Variants in MLX observed in about 807,000 individuals in gnomAD.
MLX encodes MAX dimerization protein MLX.
MLX carries 15 observed loss-of-function variants against 33.0 expected under a neutral mutation model. The observed-to-expected ratio is 0.45, with a 90% CI of 0.30 to 0.70. MLX has a LOEUF of 0.70. Ranked by LOEUF, MLX falls within the 30% of genes least tolerant of loss-of-function variation. MLX has a pLI of 0.07. For synonymous variants in MLX, 115 were observed against 115.6 expected (o/e 0.99, Z 0.03); for missense variants, 285 against 306.3 (o/e 0.93, Z 0.52).
At chr17:42,571,521 ATTTC>A (rs1201215039) in intron 7 of MLX, 22 bp from the exon 8 acceptor site, 1 of 1,613,188 alleles carries the variant, frequency 6.2e-7, no homozygotes, top group African/African-American at 1.3e-5. Flanking sequence ...GGCATTGTCT[ATTTC>A]TTCCTCTGCT....
Position 42,567,130 on chromosome 17 carries a change from G to T in MLX, c.6G>T (p.Thr2=). 7.9e-7 allele frequency: 1 copy of T among 1,259,726 alleles called. No individual in the cohort carries two copies. The highest frequency in any genetic ancestry group is 1.0e-6 in the Non-Finnish European group (1 of 1,002,728). 78.0% of individuals were successfully genotyped at this position (1,259,726 alleles called of 1,614,324 possible). Residue 2 remains threonine (T), a synonymous_variant, in exon 1 of 8, where the codon ACG becomes ACT. Coordinates refer to ENST00000435881, the MANE Select transcript of MLX (RefSeq NM_198204.2). ...TCCGGTCCGGTGGGTACAAGATGAC[G>T]GAGCCGGGCGCCTCTCCCGAGGACC... The part of the protein sequence containing the change: M[T]EPGASPEDPW...
At chr17:42,568,589 G>A in intron 3 of MLX, 30 bp downstream of exon 3, 1 of 1,577,842 alleles carries the variant, frequency 6.3e-7, no homozygotes, top group Non-Finnish European at 8.7e-7. Context: ...CCGACCTCGG[G>A]GGGCTCAGAT....
chr17:42,568,621 T>G, intron 3 of MLX, 62 bp downstream of exon 3: 1 of 1,473,128 alleles, frequency 6.8e-7, no homozygotes, highest in Non-Finnish European at 9.5e-7. Context: ...GTAGTACCTT[T>G]CCTAGACAGG....
intron 7 of MLX, 123 bp from the exon 8 acceptor site, chr17:42,571,424 G>T (rs896288970): frequency 1.3e-5 from 13 of 1,039,456 alleles, no homozygotes; most frequent in Admixed American, 3.6e-5. Flanking sequence ...ACCACACCTG[G>T]CCCCCGGGGG....
chr17:42,568,646 C>A, intron 3 of MLX, 87 bp downstream of exon 3: 2 of 1,343,856 alleles, frequency 1.5e-6, no homozygotes, highest in East Asian at 2.3e-5. Flanking sequence ...CCCCAGCCAT[C>A]CACACAGGGG....
In MLX at chr17:42,571,543, C is replaced by A; in HGVS notation, c.679-4C>A. ...TCTATTTCTTCCTCTGCTGCCCTCG[C>A]CAGACCCTGCGGGAGATTGTGATTG... On this transcript the variant is annotated splice_polypyrimidine_tract_variant and splice_region_variant and intron_variant, in intron 7 of 7. Coordinates refer to ENST00000435881, the MANE Select transcript of MLX (RefSeq NM_198204.2). 6.2e-7 allele frequency: 1 copy of A among 1,614,132 alleles called. No individual in the cohort carries two copies. Among genetic ancestry groups the A allele is most frequent in the South Asian group, 1.1e-5 (1 of 91,082 alleles).
Position 42,573,005 on chromosome 17 carries a change from GTC to G in MLX, c.*1406_*1407del, listed in dbSNP as rs1035130800. 1.2e-6 allele frequency: 2 copies of G among 1,614,198 alleles called. No homozygotes were observed. The highest frequency in any genetic ancestry group is 1.7e-6 in the Non-Finnish European group (2 of 1,180,038). Reference sequence around the variant, plus strand: ...GAGTGTGACGTTGTAATCTTCATCCGTCTCTATCCCAACTTCCTCCTGTGAGA... The same window carrying G: ...GAGTGTGACGTTGTAATCTTCATCCGTCTATCCCAACTTCCTCCTGTGAGA... On this transcript the variant is annotated 3_prime_UTR_variant, in exon 8 of 8. Transcript: ENST00000435881.
chr17:42,571,530 T>C lies in MLX; in HGVS notation c.679-17T>C. 4 of 1,614,000 alleles carry C rather than the reference T, an allele frequency of 2.5e-6. No individual in the cohort carries two copies. Among genetic ancestry groups the C allele is most frequent in the Non-Finnish European group, 3.4e-6 (4 of 1,179,840 alleles). On this transcript the variant is annotated splice_polypyrimidine_tract_variant and intron_variant, in intron 7 of 7. Transcript: ENST00000435881. ...GACTTGGGCATTGTCTATTTCTTCC[T>C]CTGCTGCCCTCGCCAGACCCTGCGG...
intron 2 of MLX, chr17:42,568,241 TAGTCCCAGCTACTCGGGAGGCTGAGGC>T (rs1189448432): frequency 4.8e-5 from 12 of 248,142 alleles, no homozygotes; most frequent in Non-Finnish European, 9.6e-5. Flanking sequence ...CGGGCGCCTG[TAGTCCCAGCTACTCGGGAGGCTGAGGC>T]AGGAGAATGG....
chr17:42,569,073 A>G, intron 4 of MLX, 130 bp downstream of exon 4: 2 of 1,270,464 alleles, frequency 1.6e-6, no homozygotes. Context: ...CCCAGGCACA[A>G]ACACCTCCCT....
intron 2 of MLX, chr17:42,567,943 G>A: frequency 1.9e-6 from 1 of 537,506 alleles, no homozygotes; most frequent in African/African-American, 1.9e-5. Flanking sequence ...AGCCAGGGGG[G>A]TATCATGCAG....
chr17:42,571,161 G>T (rs1450747516), intron 7 of MLX, among the ~76,000 whole-genome samples: 2 of 136,324 alleles, frequency 1.5e-5, no homozygotes, highest in Non-Finnish European at 3.1e-5. Context: ...TTTTTGAGAC[G>T]GAGTCTCACT....
chr17:42,567,853 A>G, intron 2 of MLX, 198 bp downstream of exon 2: 2 of 658,522 alleles, frequency 3.0e-6, no homozygotes, highest in Non-Finnish European at 5.2e-6. Context: ...TGGAACAGGG[A>G]AGTGGTGGAA....
Position 42,573,184 on chromosome 17 carries a change from C to T in MLX, c.*1581C>T, listed in dbSNP as rs1166688782. On this transcript the variant is annotated 3_prime_UTR_variant, in exon 8 of 8. Transcript: ENST00000435881. ...TCTGTAGCCTGACAAGAAATAAAAC[C>T]ACCCGTTTTCAGATGGGCAGCACTG... 6.2e-7 allele frequency: 1 copy of T among 1,614,146 alleles called. No individual in the cohort carries two copies. Among genetic ancestry groups the T allele is most frequent in the East Asian group, 2.2e-5 (1 of 44,886 alleles).
intron 6 of MLX, 71 bp downstream of exon 6, chr17:42,569,677 A>G: frequency 1.7e-6 from 2 of 1,203,314 alleles, no homozygotes; most frequent in Non-Finnish European, 2.5e-6. Flanking sequence ...CCCTTGTTCA[A>G]AGGCCACATC....
intron 3 of MLX, 62 bp from the exon 4 acceptor site, chr17:42,568,775 G>A (rs1326554224): frequency 1.4e-6 from 2 of 1,417,892 alleles, no homozygotes; most frequent in Non-Finnish European, 2.0e-6. Context: ...GGGGAAAGGT[G>A]GGCTAGCTGG....
In MLX at chr17:42,572,710, T is replaced by G. The variant is rs1271461558; in HGVS notation, c.*1107T>G. 5 of 583,858 alleles carry G rather than the reference T, an allele frequency of 8.6e-6. No homozygotes were observed. The highest frequency in any genetic ancestry group is 2.1e-5 in the Admixed American group (1 of 46,716). The allele number at this position is 583,858 out of a possible 1,614,324, so 36.2% of individuals were successfully genotyped here. ...TAATAAATATTGCCAAATGCTTTCCTTTAGCATTGTTCCAAGTCTAAATGT... is the reference window on the plus strand; with the variant it reads ...TAATAAATATTGCCAAATGCTTTCCGTTAGCATTGTTCCAAGTCTAAATGT... On this transcript the variant is annotated 3_prime_UTR_variant, in exon 8 of 8. Coordinates refer to ENST00000435881, the MANE Select transcript of MLX (RefSeq NM_198204.2).
At chr17:42,567,715 C>G (rs1276954341) in intron 2 of MLX, 60 bp downstream of exon 2, 3 of 1,610,894 alleles carry the variant, frequency 1.9e-6, no homozygotes, top group East Asian at 2.2e-5. Context: ...TCTCTAGATT[C>G]TTGTGGCGTT....
chr17:42,570,254 C>A, intron 7 of MLX, 71 bp downstream of exon 7: 1 of 1,498,290 alleles, frequency 6.7e-7, no homozygotes, highest in Non-Finnish European at 9.2e-7. Context: ...AAGCCATCAG[C>A]TGTTGAGAAA....
Sources: allele counts gnomAD v4.1 joint callset (sites outside exome capture counted in the v4.1 genomes callset), GRCh38; gene constraint gnomAD v4.1.1; transcripts MANE v1.5; gene names NCBI Gene and HGNC (gene_info 2026-07-23, HGNC 2026-07-21).